Variants in BNC1 observed in about 807,000 individuals in gnomAD.
The protein encoded by BNC1 is basonuclin zinc finger protein 1.
Under a neutral mutation model 66.5 loss-of-function variants are expected in BNC1, and 8 were observed. That is an observed-to-expected ratio of 0.12 (90% CI 0.07 to 0.22). BNC1 has a LOEUF of 0.22. BNC1 is among the 10% of genes least tolerant of loss of function. BNC1 has a pLI of 1.00. For missense variants in BNC1, 1,069 were observed against 1,241.3 expected (o/e 0.86, Z 2.09); for synonymous variants, 454 against 452.6 (o/e 1.00, Z -0.04).
rs770169851 is a variant in BNC1, at chr15:83,262,980, A to G, written c.2271T>C (p.Ala757=). The part of the protein sequence containing the change: ...MHTCTVEGCN[A]TFPSRRSRDR... ...CTCTGCTCCTGCGGGAGGGAAAGGTAGCATTACAGCCCTCCACTGTGCATG... is the reference window on the plus strand; with the variant it reads ...CTCTGCTCCTGCGGGAGGGAAAGGTGGCATTACAGCCCTCCACTGTGCATG... Residue 757 remains alanine (A), a synonymous_variant, in exon 4 of 5, where the codon GCT becomes GCC. Transcript: ENST00000345382. 1.9e-6 allele frequency: 3 copies of G among 1,610,926 alleles called. No homozygotes were observed. The highest frequency in any genetic ancestry group is 2.5e-6 in the Non-Finnish European group (3 of 1,177,954).
chr15:83,256,644 C>A lies in BNC1; in HGVS notation c.*798G>T, dbSNP rs986267420. On this transcript the variant is annotated 3_prime_UTR_variant, in exon 5 of 5. Coordinates refer to ENST00000345382, the MANE Select transcript of BNC1 (RefSeq NM_001717.4). ...GCAGTGATTTTGACATTTAGGTCAT[C>A]ACTTGTTCTGCTTCTGAGCAGAGAT... 1.3e-5 allele frequency: 2 copies of A among 152,218 alleles called. No homozygotes were observed. The highest frequency in any genetic ancestry group is 4.8e-5 in the African/African-American group (2 of 41,462). The allele number at this position is 152,218 out of a possible 1,614,324, so 9.4% of individuals were successfully genotyped here.
intron 1 of BNC1, among the ~76,000 whole-genome samples, chr15:83,274,082 T>A (rs768140527): frequency 2.6e-5 from 4 of 152,170 alleles, no homozygotes; most frequent in Non-Finnish European, 5.9e-5. Context: ...GTCATTTGTA[T>A]TAATTAAAAT....
In BNC1 at chr15:83,264,526, A is replaced by G; in HGVS notation, c.725T>C (p.Phe242Ser). The G allele has an allele frequency of 1.2e-6, 2 of 1,614,152 alleles. No homozygotes were observed. The highest frequency in any genetic ancestry group is 8.5e-7 in the Non-Finnish European group (1 of 1,180,036). Residue 242 changes from phenylalanine (F) to serine (S), a missense_variant, in exon 4 of 5, where the codon TTC (phenylalanine) becomes TCC (serine). By Grantham distance (155) the Phe-to-Ser change is radical. Around this residue, in one of 7 missense-constraint regions of BNC1, gnomAD observed 181 missense variants for 181.5 expected, o/e 1.00. Coordinates refer to ENST00000345382, the MANE Select transcript of BNC1 (RefSeq NM_001717.4). ...PFENLISNMT[F>S]MLPFQFFNPL... ...GTTGAAGAACTGGAAAGGCAGCATG[A>G]AAGTCATGTTGCTTATGAGGTTCTC...
chr15:83,258,291 G>A (rs1207560374), intron 4 of BNC1, among the ~76,000 whole-genome samples, 165 bp from the exon 5 acceptor site: 1 of 152,262 alleles, frequency 6.6e-6, no homozygotes, highest in Non-Finnish European at 1.5e-5. Context: ...GGTGGATACA[G>A]ACCCACTGTT....
chr15:83,264,121 T>C lies in BNC1; in HGVS notation c.1130A>G (p.Asn377Ser), dbSNP rs1015095182. Residue 377 changes from asparagine to serine, a missense_variant, in exon 4 of 5, where the codon AAT becomes AGT. Asn to Ser is a conservative substitution (Grantham distance 46). Around this residue, in one of 7 missense-constraint regions of BNC1, gnomAD observed 82 missense variants for 136.3 expected, o/e 0.60. Transcript: ENST00000345382. ...ATGCTTGATCTTCAAGTGGACGGCA[T>C]TGTAGTGGATTTTGAGGGTGCCTTT... Reference protein sequence around the residue: ...YDKGTLKIHYNAVHLKIKHKC... With the variant: ...YDKGTLKIHYSAVHLKIKHKC... 16 of 1,614,032 alleles carry C rather than the reference T, an allele frequency of 9.9e-6. No homozygotes were observed. Among genetic ancestry groups the C allele is most frequent in the Admixed American group, 1.7e-5 (1 of 59,992 alleles).
At chr15:83,270,195 T>A (rs1206368133) in intron 1 of BNC1, among the ~76,000 whole-genome samples, 1 of 152,230 alleles carries the variant, frequency 6.6e-6, no homozygotes, top group African/African-American at 2.4e-5. Flanking sequence ...ACATACCATA[T>A]AACTCACCCA....
intron 4 of BNC1, among the ~76,000 whole-genome samples, chr15:83,262,578 AATTAGGTT>A (rs1312491947): frequency 6.6e-6 from 1 of 151,674 alleles, no homozygotes; most frequent in Non-Finnish European, 1.5e-5. Context: ...TTTGCAGCCA[AATTAGGTT>A]AGGTTTTTGG....
chr15:83,281,843 G>A (rs1470003080), intron 1 of BNC1, among the ~76,000 whole-genome samples: 3 of 152,134 alleles, frequency 2.0e-5, no homozygotes, highest in Admixed American at 6.5e-5. Context: ...CTCATCTATC[G>A]GGTTGGATCG....
rs879786986 is a variant in BNC1, at chr15:83,269,444, T to TGC, written c.100-1214_100-1213dup. Among the ~76,000 whole-genome samples, 327 of 152,062 alleles carry TGC rather than the reference T, an allele frequency of 2.2e-3. 3 individuals are homozygous for TGC. The highest frequency in any genetic ancestry group is 0.014 in the Middle Eastern group (4 of 292). On this transcript the variant is annotated intron_variant, in intron 1 of 4. Coordinates refer to ENST00000345382, the MANE Select transcript of BNC1 (RefSeq NM_001717.4). ...TGGGAAGTGCGTGTGTGTGTGTGTGTGCGCGCGCATCTGGAGGAGGGATAA... is the reference window on the plus strand; with the variant it reads ...TGGGAAGTGCGTGTGTGTGTGTGTGTGCGCGCGCGCATCTGGAGGAGGGATAA...
Position 83,263,044 on chromosome 15 carries a change from T to G in BNC1, c.2207A>C (p.Lys736Thr). The G allele has an allele frequency of 6.2e-7, 1 of 1,614,212 alleles. No homozygotes were observed. The highest frequency in any genetic ancestry group is 2.2e-5 in the East Asian group (1 of 44,886). ...GACATGCATATTCTTGTGATGAATT[T>G]TCACACTACAAGCATTTTTAAAGGT... Reference protein sequence around the residue: ...KKTFKNACSVKIHHKNMHVKE... With the variant: ...KKTFKNACSVTIHHKNMHVKE... The change falls in exon 4 of 5, where the codon AAA becomes ACA. Residue 736 changes from lysine to threonine, a missense_variant. By Grantham distance (78) the Lys-to-Thr change is moderately conservative (BLOSUM62 -1). This residue lies in a region of BNC1 where 657 missense variants were observed against 715.8 expected (regional missense o/e 0.92). Transcript: ENST00000345382.
chr15:83,263,416 T>G lies in BNC1; in HGVS notation c.1835A>C (p.Glu612Ala). 6.2e-7 allele frequency: 1 copy of G among 1,614,202 alleles called. No homozygotes were observed. Among genetic ancestry groups the G allele is most frequent in the Non-Finnish European group, 8.5e-7 (1 of 1,180,040 alleles). The change falls in exon 4 of 5, where the codon GAA becomes GCA. Residue 612 changes from glutamate (E) to alanine (A), a missense_variant. Glu to Ala is a moderately radical substitution (Grantham distance 107). Around this residue, in one of 7 missense-constraint regions of BNC1, gnomAD observed 657 missense variants for 715.8 expected, o/e 0.92. Transcript: ENST00000345382. ...GGCTCCACTGGACTCAATTACTGAT[T>G]CACGATGGCAGGGCCTCTCCCCTTC... ...FPEGERPCHR[E>A]SVIESSGAIS...
chr15:83,284,060 C>T (rs2038414919), intron 1 of BNC1, among the ~76,000 whole-genome samples: 1 of 150,902 alleles, frequency 6.6e-6, no homozygotes, highest in African/African-American at 2.4e-5. Flanking sequence ...GAAAGACGGC[C>T]AGTGTGAAAT....
intron 2 of BNC1, among the ~76,000 whole-genome samples, chr15:83,267,443 G>C (rs531282046): frequency 1.3e-5 from 2 of 152,294 alleles, no homozygotes; most frequent in Admixed American, 6.5e-5. Context: ...TGAGAGACCT[G>C]AGTTTGAGCG....
At position 83,267,066 on chromosome 15, in the gene BNC1, T is replaced by C. The variant is rs772722285; in HGVS notation, c.205A>G (p.Ser69Gly). 1 of 1,610,262 alleles carries C rather than the reference T, an allele frequency of 6.2e-7. No individual in the cohort carries two copies. Among genetic ancestry groups the C allele is most frequent in the South Asian group, 1.1e-5 (1 of 90,904 alleles). Residue 69 changes from serine to glycine, a missense_variant, in exon 3 of 5, where the codon AGT becomes GGT. Around this residue, in one of 7 missense-constraint regions of BNC1, gnomAD observed 2 missense variants for 17.2 expected, o/e 0.12. Transcript: ENST00000345382. ...CKHGWVAHAL[S>G]KLRIPPMYPT... Reference sequence around the variant, plus strand: ...TACATGGGGGGGATCCTTAGCTTACTTAGAGCTGAAAAATCAAATTGAGGA... The same window carrying C: ...TACATGGGGGGGATCCTTAGCTTACCTAGAGCTGAAAAATCAAATTGAGGA...
At chr15:83,280,915 A>G (rs1272160926) in intron 1 of BNC1, among the ~76,000 whole-genome samples, 1 of 152,148 alleles carries the variant, frequency 6.6e-6, no homozygotes, top group East Asian at 1.9e-4. Context: ...TTATTTCTCC[A>G]TCTCTCTTTT....
chr15:83,266,749 G>A, intron 3 of BNC1, 87 bp downstream of exon 3: 1 of 1,153,978 alleles, frequency 8.7e-7, no homozygotes, highest in Non-Finnish European at 1.3e-6. Flanking sequence ...AAGGGCTGTA[G>A]CATTGGGAGG....
At chr15:83,284,432 G>A (rs2038421960) in intron 1 of BNC1, 98 bp downstream of exon 1, 1 of 759,732 alleles carries the variant, frequency 1.3e-6, no homozygotes, top group African/African-American at 1.9e-5. Context: ...TCGGGAGGTG[G>A]CCCTCGGGTA....
At chr15:83,258,200 T>G in intron 4 of BNC1, 74 bp from the exon 5 acceptor site, 1 of 1,447,908 alleles carries the variant, frequency 6.9e-7, no homozygotes, top group Non-Finnish European at 9.4e-7. Flanking sequence ...GTGGAGAGAC[T>G]TGGTAGATAC....
intron 3 of BNC1, among the ~76,000 whole-genome samples, chr15:83,265,058 A>G (rs2038201940): frequency 6.6e-6 from 1 of 152,242 alleles, no homozygotes; most frequent in African/African-American, 2.4e-5. Context: ...AAATAAAACC[A>G]TATTACTCAA....
Sources: gnomAD v4.1 joint callset for allele counts (sites outside exome capture counted in the v4.1 genomes callset) on GRCh38, gnomAD v4.1.1 for gene constraint, gnomAD v4.1.1 regional missense constraint, MANE v1.5 for transcripts, NCBI Gene and HGNC (gene_info 2026-07-23, HGNC 2026-07-21) for gene names.